Variants in SLC25A21 observed in about 807,000 individuals in gnomAD.
The protein encoded by SLC25A21 is mitochondrial 2-oxodicarboxylate carrier.
A neutral mutation model predicts 43.8 loss-of-function variants in SLC25A21; 47 were observed. That is an observed-to-expected ratio of 1.07 (90% CI 0.85 to 1.37). The LOEUF (loss-of-function observed/expected upper bound fraction) is 1.37. SLC25A21 is among the 40% of genes most tolerant of loss of function. SLC25A21 has a pLI of 0.00. For synonymous variants in SLC25A21, 131 were observed against 121.3 expected (o/e 1.08, Z -0.52); for missense variants, 352 against 350.2 (o/e 1.00, Z -0.04).
intron 1 of SLC25A21, among the ~76,000 whole-genome samples, chr14:36,880,968 A>C (rs1890702526): frequency 6.6e-6 from 1 of 152,186 alleles, no homozygotes; most frequent in South Asian, 2.1e-4. Flanking sequence ...AAGGATTTCA[A>C]AGCTCAGCAC....
At chr14:37,017,637 G>A (rs111583804) in intron 1 of SLC25A21, among the ~76,000 whole-genome samples, 1,634 of 152,136 alleles carry the variant, frequency 0.011, 38 homozygotes, top group African/African-American at 0.036. Context: ...GTAAAAAAAC[G>A]CAGTATCTGC....
intron 1 of SLC25A21, among the ~76,000 whole-genome samples, chr14:36,974,834 A>G (rs186585586): frequency 1.0e-3 from 159 of 152,320 alleles, no homozygotes; most frequent in African/African-American, 3.6e-3. Flanking sequence ...CAAGAAACCA[A>G]GTAGTACAAT....
intron 2 of SLC25A21, among the ~76,000 whole-genome samples, chr14:36,863,876 G>A (rs569445494): frequency 6.6e-6 from 1 of 152,328 alleles, no homozygotes; most frequent in African/African-American, 2.4e-5. Context: ...TTCAGTGGGA[G>A]GACCTCCAGC....
chr14:36,906,438 C>T (rs1445902340), intron 1 of SLC25A21, among the ~76,000 whole-genome samples: 1 of 151,660 alleles, frequency 6.6e-6, no homozygotes, highest in African/African-American at 2.4e-5. Context: ...TTGTAGATGG[C>T]CAAGATGACT....
chr14:36,959,428 A>T (rs576515196), intron 1 of SLC25A21, among the ~76,000 whole-genome samples: 1 of 152,252 alleles, frequency 6.6e-6, no homozygotes, highest in Admixed American at 6.5e-5. Context: ...CAGGTGGAGG[A>T]GGTGCTGCTT....
At chr14:36,909,822 C>T (rs1322367945) in intron 1 of SLC25A21, among the ~76,000 whole-genome samples, 2 of 152,106 alleles carry the variant, frequency 1.3e-5, no homozygotes, top group Non-Finnish European at 2.9e-5. Flanking sequence ...ATCAGTAAAC[C>T]ACCTACAAGT....
chr14:36,853,489 A>G (rs527299705), intron 2 of SLC25A21, among the ~76,000 whole-genome samples: 1 of 152,200 alleles, frequency 6.6e-6, no homozygotes, highest in African/African-American at 2.4e-5. Flanking sequence ...GCTGCTAGGC[A>G]GACCCAGGAC....
intron 1 of SLC25A21, among the ~76,000 whole-genome samples, chr14:37,126,505 T>C (rs532294366): frequency 6.6e-6 from 1 of 151,926 alleles, no homozygotes; most frequent in Admixed American, 6.6e-5. Flanking sequence ...ATTGCAACTG[T>C]ATATTTTACA....
intron 2 of SLC25A21, among the ~76,000 whole-genome samples, chr14:36,817,407 G>A (rs981530183): frequency 7.9e-5 from 12 of 152,112 alleles, no homozygotes; most frequent in African/African-American, 2.9e-4. Context: ...TTCAGGTGGG[G>A]AGATGACAAG....
intron 2 of SLC25A21, among the ~76,000 whole-genome samples, chr14:36,816,479 C>A (rs1461643328): frequency 6.7e-6 from 1 of 149,634 alleles, no homozygotes; most frequent in Non-Finnish European, 1.5e-5. Context: ...AAAAATGACA[C>A]ATTTAACATA....
intron 1 of SLC25A21, among the ~76,000 whole-genome samples, chr14:37,073,540 T>C (rs1283231265): frequency 6.6e-6 from 1 of 152,182 alleles, no homozygotes; most frequent in Non-Finnish European, 1.5e-5. Flanking sequence ...TGAGGACTCC[T>C]GTGCCAAGTA....
chr14:36,859,292 G>C (rs558014570), intron 2 of SLC25A21, among the ~76,000 whole-genome samples: 1 of 152,338 alleles, frequency 6.6e-6, no homozygotes, highest in South Asian at 2.1e-4. Flanking sequence ...ATTCAGGAAT[G>C]CAACAGATTC....
chr14:36,968,378 C>T (rs184966353), intron 1 of SLC25A21, among the ~76,000 whole-genome samples: 10 of 152,128 alleles, frequency 6.6e-5, no homozygotes, highest in East Asian at 1.9e-4. Flanking sequence ...CTGACAAGCC[C>T]GGCTTATTAT....
intron 1 of SLC25A21, among the ~76,000 whole-genome samples, chr14:36,925,689 A>T (rs560907860): frequency 6.6e-6 from 1 of 152,098 alleles, no homozygotes; most frequent in Non-Finnish European, 1.5e-5. Context: ...CCTACTAAAA[A>T]TACAAAAATT....
chr14:37,033,704 T>C (rs1011063561), intron 1 of SLC25A21, among the ~76,000 whole-genome samples: 6 of 152,222 alleles, frequency 3.9e-5, no homozygotes, highest in African/African-American at 9.6e-5. Flanking sequence ...GATATGAATA[T>C]ATTTTTATTC....
chr14:36,708,410 A>G (rs1566521094), intron 7 of SLC25A21, among the ~76,000 whole-genome samples: 1 of 152,224 alleles, frequency 6.6e-6, no homozygotes, highest in Admixed American at 6.5e-5. Flanking sequence ...ATTTCACTGA[A>G]TATCATTACA....
At chr14:36,735,930 A>ATTTTTTTTTTT (rs776933723) in intron 3 of SLC25A21, among the ~76,000 whole-genome samples, 3 of 84,300 alleles carry the variant, frequency 3.6e-5, no homozygotes, top group African/African-American at 5.4e-5. Flanking sequence ...TCTGGCCACA[A>ATTTTTTTTTTT]TTTTTTTTTT....
At chr14:37,123,736 G>C (rs981564438) in intron 1 of SLC25A21, among the ~76,000 whole-genome samples, 1 of 152,046 alleles carries the variant, frequency 6.6e-6, no homozygotes, top group African/African-American at 2.4e-5. Flanking sequence ...AGACTATAAG[G>C]AGGGGCAGGC....
At chr14:36,952,412 G>A (rs1210530113) in intron 1 of SLC25A21, 4 of 152,122 alleles carry the variant, frequency 2.6e-5, no homozygotes, top group Non-Finnish European at 5.9e-5. Flanking sequence ...TTGTGGGGAG[G>A]AAGTCATTTA....
Sources: allele counts gnomAD v4.1 joint callset (sites outside exome capture counted in the v4.1 genomes callset), GRCh38; gene constraint gnomAD v4.1.1; transcripts MANE v1.5; gene names NCBI Gene and HGNC (gene_info 2026-07-23, HGNC 2026-07-21).